The following LRRC45 variants were observed in gnomAD, a reference collection of about 807,000 sequenced individuals.
LRRC45 encodes leucine rich repeat containing 45, also known as leucine-rich repeat-containing protein 45.
Under a neutral mutation model 85.4 loss-of-function variants are expected in LRRC45, and 73 were observed. The observed-to-expected ratio is 0.85, with a 90% CI of 0.71 to 1.04. The LOEUF is 1.04. Among genes scored for constraint, LRRC45 ranks in the 50% least tolerant of loss-of-function variants. The pLI, the probability that LRRC45 is intolerant of heterozygous loss-of-function variation, is 0.00. For missense variants in LRRC45, 937 were observed against 883.3 expected (o/e 1.06, Z -0.77); for synonymous variants, 429 against 386.0 (o/e 1.11, Z -1.31).
chr17:82,029,501 C>T (rs2043398143), intron 13 of LRRC45, 42 bp from the exon 14 acceptor site: 2 of 1,543,298 alleles, frequency 1.3e-6, no homozygotes, highest in Non-Finnish European at 1.8e-6. Context: ...GGGCCCTGGG[C>T]CAGGGACAGG....
chr17:82,028,269 C>T lies in LRRC45; in HGVS notation c.1083C>T (p.Asp361=), dbSNP rs567147404. 1.4e-4 allele frequency: 225 copies of T among 1,581,680 alleles called. No individual in the cohort carries two copies. The highest frequency in any genetic ancestry group is 1.7e-4 in the Non-Finnish European group (201 of 1,163,936). Residue 361 remains aspartate, a synonymous_variant, in exon 10 of 17, where the codon GAC becomes GAT. Transcript: ENST00000306688. ...AAERESKLLR[D]LSAANEKNLL... is the part of the protein sequence containing the mutation. ...AGCGGGAGTCTAAACTCCTCAGAGA[C>T]TTGTCTGCTGCCAATGAAAAGAACC...
chr17:82,024,973 G>A lies in LRRC45; in HGVS notation c.354-27G>A, dbSNP rs2043355152. On this transcript the variant is annotated intron_variant, in intron 3 of 16. Coordinates refer to ENST00000306688, the MANE Select transcript of LRRC45 (RefSeq NM_144999.4). ...CCACGGGCTAGGCAGTCCCCTAGGT[G>A]AACACTGGCTTCTGCCCCTCCTGCA... 6.5e-6 allele frequency: 10 copies of A among 1,529,532 alleles called. No individual in the cohort carries two copies. The East Asian group carries it at 2.4e-4, about 37-fold the overall frequency. 94.7% of individuals were successfully genotyped at this position (1,529,532 alleles called of 1,614,324 possible).
At chr17:82,027,138 G>T in intron 6 of LRRC45, 127 bp downstream of exon 6, 1 of 925,654 alleles carries the variant, frequency 1.1e-6, no homozygotes, top group Non-Finnish European at 1.7e-6. Context: ...TCTCTGAGTG[G>T]CTGGTACCAG....
Position 82,030,397 on chromosome 17 carries a change from C to G in LRRC45, c.1747C>G (p.Leu583Val). 6.5e-7 allele frequency: 1 copy of G among 1,549,794 alleles called. No homozygotes were observed. Among genetic ancestry groups the G allele is most frequent in the Non-Finnish European group, 8.7e-7 (1 of 1,146,940 alleles). The change falls in exon 16 of 17, where the codon CTG becomes GTG. Residue 583 changes from leucine to valine, a missense_variant. Leu to Val is a conservative substitution (Grantham distance 32). Coordinates refer to ENST00000306688, the MANE Select transcript of LRRC45 (RefSeq NM_144999.4). ...RVELQEQNGR[L>V]QAELAAQEAL... ...GGAGCTGCAGGAGCAGAACGGCCGG[C>G]TGCAGGCGGAGCTGGCGGCTCAGGA...
Position 82,030,930 on chromosome 17 carries a change from G to A in LRRC45, c.*125G>A. 1 of 713,798 alleles carries A rather than the reference G, an allele frequency of 1.4e-6. No individual in the cohort carries two copies. Among genetic ancestry groups the A allele is most frequent in the Non-Finnish European group, 2.0e-6 (1 of 507,572 alleles). The allele number at this position is 713,798 out of a possible 1,614,324, so 44.2% of individuals were successfully genotyped here. A position where few individuals can be genotyped will look rare whatever the true frequency, so the allele number is the denominator to read the frequency against. ...GTCGTCTGTTCCACGCGGCGGTTGC[G>A]GCGACTGTTGGTGGTGTCGCGGCTG... is the stretch of plus-strand genomic sequence containing the variant. On this transcript the variant is annotated 3_prime_UTR_variant, in exon 17 of 17. Coordinates refer to ENST00000306688, the MANE Select transcript of LRRC45 (RefSeq NM_144999.4).
chr17:82,029,733 G>A (rs994066068), intron 14 of LRRC45, 98 bp downstream of exon 14: 1 of 1,225,930 alleles, frequency 8.2e-7, no homozygotes, highest in Non-Finnish European at 1.2e-6. Context: ...TGGGGAGGCG[G>A]GAGTGTGGTG....
intron 13 of LRRC45, 38 bp from the exon 14 acceptor site, chr17:82,029,505 G>C (rs2043398156): frequency 1.3e-6 from 2 of 1,546,684 alleles, no homozygotes; most frequent in South Asian, 1.2e-5. Context: ...CCTGGGCCAG[G>C]GACAGGAGAA....
chr17:82,028,801 C>T (rs1457410745), intron 12 of LRRC45, 118 bp downstream of exon 12: 7 of 1,171,484 alleles, frequency 6.0e-6, no homozygotes, highest in African/African-American at 3.1e-5. Context: ...ACTGGGTGGC[C>T]GTATTTTGCC....
chr17:82,026,813 C>A, intron 5 of LRRC45, 86 bp from the exon 6 acceptor site: 2 of 1,035,018 alleles, frequency 1.9e-6, no homozygotes, highest in Non-Finnish European at 2.9e-6. Context: ...CCCCTGACCT[C>A]AGGTGATCCA....
chr17:82,030,261 GC>G, intron 15 of LRRC45, 23 bp downstream of exon 15: 2 of 1,534,842 alleles, frequency 1.3e-6, no homozygotes, highest in Non-Finnish European at 1.8e-6. Flanking sequence ...CCGGTGGGGG[GC>G]CCCGGGCGTG....
chr17:82,024,030 T>G, intron 1 of LRRC45, 167 bp downstream of exon 1: 1 of 727,326 alleles, frequency 1.4e-6, no homozygotes, highest in Non-Finnish European at 2.2e-6. Flanking sequence ...TTCCTCTGTA[T>G]GACGGGGGAG....
chr17:82,023,912 C>G, intron 1 of LRRC45, 49 bp downstream of exon 1: 5 of 1,493,320 alleles, frequency 3.3e-6, no homozygotes, highest in Non-Finnish European at 4.5e-6. Flanking sequence ...GCTGCCCACA[C>G]CATTGCCTCG....
intron 3 of LRRC45, 76 bp from the exon 4 acceptor site, chr17:82,024,924 A>G (rs2043354455): frequency 6.9e-7 from 1 of 1,457,286 alleles, no homozygotes. Flanking sequence ...CCCCAAGCCC[A>G]CACCCGTCCC....
intron 8 of LRRC45, 56 bp downstream of exon 8, chr17:82,027,807 G>T: frequency 1.3e-6 from 2 of 1,582,668 alleles, no homozygotes; most frequent in South Asian, 2.3e-5. Context: ...GGCAGAGAAA[G>T]GTGGTGTGAA....
chr17:82,028,413 G>C lies in LRRC45; in HGVS notation c.1142G>C (p.Arg381Pro). The change falls in exon 11 of 17, where the codon CGG becomes CCG. Residue 381 changes from arginine to proline, a missense_variant. Transcript: ENST00000306688. ...LLQNQVDELE[R>P]KFRCQQEQLF... ...GGCTTTCAGGTAGACGAGTTGGAGC[G>C]GAAGTTCAGGTGTCAGCAGGAGCAG... is the stretch of plus-strand genomic sequence containing the variant. The C allele has an allele frequency of 1.1e-5, 17 of 1,612,684 alleles. No individual in the cohort carries two copies. Among genetic ancestry groups the C allele is most frequent in the Non-Finnish European group, 1.4e-5 (17 of 1,179,960 alleles).
chr17:82,025,489 G>A lies in LRRC45; in HGVS notation c.643G>A (p.Asp215Asn), dbSNP rs143513889. 1.6e-4 allele frequency: 254 copies of A among 1,607,148 alleles called. No individual in the cohort carries two copies. The highest frequency in any genetic ancestry group is 2.1e-4 in the Non-Finnish European group (243 of 1,176,746). ...LDLAGNNIPGDVLRAVEQAMG... is the reference protein window; with the variant it reads ...LDLAGNNIPGNVLRAVEQAMG... ...CCTGGCTGGGAACAACATCCCTGGA[G>A]ACGTCCTCAGAGCCGTGGGTACGGT... Residue 215 changes from aspartate (D) to asparagine (N), a missense_variant, in exon 5 of 17, where the codon GAC (aspartate) becomes AAC (asparagine). Transcript: ENST00000306688.
rs1443351667 is a variant in LRRC45 at position 82,029,193 on chromosome 17, C to G, written c.1401+8C>G. On this transcript the variant is annotated splice_region_variant and intron_variant, in intron 13 of 16. Transcript: ENST00000306688. The stretch of plus-strand genomic sequence containing the variant: ...CGGCTGTCCCTGGAGGAGGTGAGTG[C>G]CCACCAGGCAGGGCCAAGCTCTGCC... The G allele has an allele frequency of 1.2e-6, 2 of 1,607,748 alleles. No individual in the cohort carries two copies. The highest frequency in any genetic ancestry group is 1.7e-6 in the Non-Finnish European group (2 of 1,178,416).
Position 82,030,714 on chromosome 17 carries a change from A to G in LRRC45, c.1922A>G (p.Asp641Gly). The G allele has an allele frequency of 2.7e-6, 4 of 1,499,086 alleles. No individual in the cohort carries two copies. The highest frequency in any genetic ancestry group is 1.3e-5 in the South Asian group (1 of 76,938). The allele number at this position is 1,499,086 out of a possible 1,614,324, so 92.9% of individuals were successfully genotyped here. A position where few individuals can be genotyped will look rare whatever the true frequency, so the allele number is the denominator to read the frequency against. Residue 641 changes from aspartate to glycine, a missense_variant, in exon 17 of 17, where the codon GAC (aspartate) becomes GGC (glycine). Asp to Gly is a moderately conservative substitution (Grantham distance 94, BLOSUM62 -1). Transcript: ENST00000306688. Reference sequence around the variant, plus strand: ...GAGGCGGAGATCGCCCGCATCCGGGACGAGGAGGCCCAGAGGGCGAGCTTC... The same window carrying G: ...GAGGCGGAGATCGCCCGCATCCGGGGCGAGGAGGCCCAGAGGGCGAGCTTC... The part of the protein sequence containing the change: ...LREAEIARIR[D>G]EEAQRASFLQ...
chr17:82,023,913 C>T (rs1486249987), intron 1 of LRRC45, 50 bp downstream of exon 1: 41 of 1,490,212 alleles, frequency 2.8e-5, no homozygotes, highest in Non-Finnish European at 3.7e-5. Flanking sequence ...CTGCCCACAC[C>T]ATTGCCTCGG....
Sources: allele counts gnomAD v4.1 joint callset, GRCh38; gene constraint gnomAD v4.1.1; transcripts MANE v1.5; gene names NCBI Gene and HGNC (gene_info 2026-07-23, HGNC 2026-07-21).